The following C1GALT1C1 variants were observed in gnomAD, a reference collection of about 807,000 sequenced individuals.
C1GALT1C1 encodes C1GALT1 specific chaperone 1.
For missense variants in C1GALT1C1, 176 were observed against 234.7 expected, an observed-to-expected ratio of 0.75 and a Z score of 1.63; for synonymous variants, 77 against 77.9, an observed-to-expected ratio of 0.99 and a Z score of 0.06.
intron 1 of C1GALT1C1, among the ~76,000 whole-genome samples, chrX:120,629,120 A>G (rs1290380552): frequency 1.8e-5 from 2 of 109,893 alleles, no homozygotes; most frequent in Admixed American, 1.9e-4. Context: ...CCAGCTACTC[A>G]GGAGGCTGAG....
At position 120,626,627 on chromosome X, in the gene C1GALT1C1, A is replaced by G. The variant is rs778819609; in HGVS notation, c.540T>C (p.Tyr180=). 8.3e-7 allele frequency: 1 copy of G among 1,206,760 alleles called. No homozygotes were observed. Among genetic ancestry groups the G allele is most frequent in the East Asian group, 3.0e-5 (1 of 33,746 alleles). Residue 180 remains tyrosine, a synonymous_variant, in exon 2 of 2, where the codon TAT becomes TAC. Transcript: ENST00000304661. The part of the protein sequence containing the change: ...GHTIKSGDLE[Y]VGMEGGIVLS... ...AGACAATTCCTCCTTCCATACCCAC[A>G]TATTCAAGGTCTCCAGATTTTATAG...
chrX:120,628,182 G>A (rs1927239801), intron 1 of C1GALT1C1, among the ~76,000 whole-genome samples: 2 of 112,114 alleles, frequency 1.8e-5, no homozygotes, highest in Middle Eastern at 4.7e-3. Context: ...GGAGGCTGTA[G>A]TGAGCTGTGA....
intron 1 of C1GALT1C1, among the ~76,000 whole-genome samples, chrX:120,628,925 G>A (rs561972253): frequency 3.6e-5 from 4 of 111,733 alleles, no homozygotes; most frequent in South Asian, 3.7e-4. Context: ...AAACAAGCTC[G>A]GCATAATATT....
intron 1 of C1GALT1C1, 48 bp downstream of exon 1, chrX:120,629,869 G>A (rs1257651943): frequency 3.6e-5 from 4 of 112,209 alleles, no homozygotes; most frequent in Non-Finnish European, 5.6e-5. Context: ...AAGAGAGGGA[G>A]GGGAGTCAGG....
At chrX:120,627,226 AATTTG>A in intron 1 of C1GALT1C1, 55 bp from the exon 2 acceptor site, 1 of 924,072 alleles carries the variant, frequency 1.1e-6, no homozygotes. Flanking sequence ...TTAGTCTATA[AATTTG>A]ATTTGGTATT....
In C1GALT1C1 at chrX:120,627,168, T is replaced by C; in HGVS notation, c.-2A>G. 9.1e-7 allele frequency: 1 copy of C among 1,100,777 alleles called. No homozygotes were observed. The highest frequency in any genetic ancestry group is 1.2e-6 in the Non-Finnish European group (1 of 835,676). The allele number at this position is 1,100,777 out of a possible 1,213,427, so 90.7% of individuals were successfully genotyped here. A position where few individuals can be genotyped will look rare whatever the true frequency, so the allele number is the denominator to read the frequency against. ...AAAGGAGCTGCTTTCAGAAAGCATT[T>C]TTCCTATAAAGAAGAAAAAGACTCT... is the stretch of plus-strand genomic sequence containing the variant. On this transcript the variant is annotated 5_prime_UTR_variant, in exon 2 of 2. Coordinates refer to ENST00000304661, the MANE Select transcript of C1GALT1C1 (RefSeq NM_001011551.3).
rs755698477 is a variant in C1GALT1C1 at position 120,626,570 on chromosome X, G to C, written c.597C>G (p.Ser199Arg). 1.7e-5 allele frequency: 21 copies of C among 1,209,617 alleles called. No individual in the cohort carries two copies. The highest frequency in any genetic ancestry group is 1.4e-4 in the African/African-American group (8 of 57,363). Residue 199 changes from serine to arginine, a missense_variant, in exon 2 of 2, where the codon AGC becomes AGG. Ser to Arg is a moderately radical substitution (Grantham distance 110). Transcript: ENST00000304661. ...LSVESMKRLN[S>R]LLNIPEKCPE... ...GACACTTTTCTGGGATATTGAGAAG[G>C]CTGTTAAGTCTTTTCATTGATTCTA...
intron 1 of C1GALT1C1, among the ~76,000 whole-genome samples, chrX:120,629,305 G>T (rs1035494808): frequency 1.8e-5 from 2 of 110,854 alleles, no homozygotes; most frequent in African/African-American, 6.6e-5. Flanking sequence ...ATTTATATAG[G>T]ATTTTTGTAT....
In C1GALT1C1 at chrX:120,625,943, A is replaced by G. The variant is rs1254132450; in HGVS notation, c.*267T>C. 8.2e-6 allele frequency: 2 copies of G among 243,780 alleles called. No individual in the cohort carries two copies. Among genetic ancestry groups the G allele is most frequent in the African/African-American group, 5.6e-5 (2 of 35,450 alleles). The allele number at this position is 243,780 out of a possible 1,213,427, so 20.1% of individuals were successfully genotyped here. On this transcript the variant is annotated 3_prime_UTR_variant, in exon 2 of 2. Transcript: ENST00000304661. ...TAATGTTCATAATTTAGAATTTATC[A>G]CATATAATATTTATTAATAGTTTAT...
At chrX:120,627,216 T>A in intron 1 of C1GALT1C1, 45 bp from the exon 2 acceptor site, 1 of 960,185 alleles carries the variant, frequency 1.0e-6, no homozygotes, top group South Asian at 3.2e-5. Context: ...TAGAAAAAGA[T>A]TAGTCTATAA....
At position 120,626,518 on chromosome X, in the gene C1GALT1C1, T is replaced by C; in HGVS notation, c.649A>G (p.Ile217Val). 1 of 1,212,138 alleles carries C rather than the reference T, an allele frequency of 8.2e-7. No individual in the cohort carries two copies. Among genetic ancestry groups the C allele is most frequent in the Middle Eastern group, 2.3e-4 (1 of 4,356 alleles). The part of the protein sequence containing the change: ...CPEQGGMIWK[I>V]SEDKQLAVCL... ...ACTGCTAGCTGTTTATCTTCAGATA[T>C]CTTCCAAATCATCCCTCCCTGTTCA... The change falls in exon 2 of 2, where the codon ATA (isoleucine) becomes GTA (valine). Residue 217 changes from isoleucine (I) to valine (V), a missense_variant. Ile to Val is a conservative substitution (Grantham distance 29). Coordinates refer to ENST00000304661, the MANE Select transcript of C1GALT1C1 (RefSeq NM_001011551.3).
chrX:120,627,231 G>T, intron 1 of C1GALT1C1, 60 bp from the exon 2 acceptor site: 1 of 874,329 alleles, frequency 1.1e-6, no homozygotes, highest in South Asian at 3.6e-5. Context: ...CTATAAATTT[G>T]ATTTGGTATT....
At chrX:120,629,029 C>G (rs1927266004) in intron 1 of C1GALT1C1, among the ~76,000 whole-genome samples, 2 of 111,083 alleles carry the variant, frequency 1.8e-5, no homozygotes, top group African/African-American at 3.3e-5. Context: ...GAGTTCAAGA[C>G]CAGCCTGGCC....
intron 1 of C1GALT1C1, among the ~76,000 whole-genome samples, chrX:120,628,132 C>A (rs187975018): frequency 9.0e-6 from 1 of 110,760 alleles, no homozygotes; most frequent in South Asian, 3.8e-4. Flanking sequence ...CCCAGCTACT[C>A]GGGAGGCTGA....
intron 1 of C1GALT1C1, among the ~76,000 whole-genome samples, chrX:120,628,531 T>G (rs1483333552): frequency 2.7e-5 from 3 of 112,251 alleles, no homozygotes; most frequent in Non-Finnish European, 3.8e-5. Context: ...GTGGTATAAG[T>G]GGACTAGAAA....
chrX:120,626,740 C>A lies in C1GALT1C1; in HGVS notation c.427G>T (p.Ala143Ser). The A allele has an allele frequency of 1.7e-6, 2 of 1,211,489 alleles. No homozygotes were observed. Among genetic ancestry groups the A allele is most frequent in the Non-Finnish European group, 2.2e-6 (2 of 895,374 alleles). ...ATGATAGCAAACGTAGTGGGGCGTGCAAGGAAGAACCAGTTGTATTGGTCT... is the reference window on the plus strand; with the variant it reads ...ATGATAGCAAACGTAGTGGGGCGTGAAAGGAAGAACCAGTTGTATTGGTCT... ...YRDQYNWFFL[A>S]RPTTFAIIEN... Residue 143 changes from alanine (A) to serine (S), a missense_variant, in exon 2 of 2, where the codon GCA becomes TCA. Coordinates refer to ENST00000304661, the MANE Select transcript of C1GALT1C1 (RefSeq NM_001011551.3).
At chrX:120,629,831 GGAGAGGGCTGGGGCCCAGGCCTCCCCCAA>G (rs1470516447) in intron 1 of C1GALT1C1, 57 bp downstream of exon 1, 2 of 112,196 alleles carry the variant, frequency 1.8e-5, no homozygotes, top group Non-Finnish European at 3.8e-5. Context: ...GAGCATGCTG[GGAGAGGGCTGGGGCCCAGGCCTCCCCCAA>G]GAGAGGGAGG....
chrX:120,628,386 T>TA (rs1342873922), intron 1 of C1GALT1C1, among the ~76,000 whole-genome samples: 1 of 112,531 alleles, frequency 8.9e-6, no homozygotes, highest in Non-Finnish European at 1.9e-5. Flanking sequence ...TTGAGCTACT[T>TA]AGACTTCCCA....
intron 1 of C1GALT1C1, among the ~76,000 whole-genome samples, chrX:120,629,230 T>C (rs1927273315): frequency 9.6e-6 from 1 of 104,301 alleles, no homozygotes; most frequent in Non-Finnish European, 2.0e-5. Flanking sequence ...AGACTCTGTT[T>C]CAAAAAAAAA....
Sources: allele counts gnomAD v4.1 joint callset (sites outside exome capture counted in the v4.1 genomes callset), GRCh38; gene constraint gnomAD v4.1.1; transcripts MANE v1.5; gene names NCBI Gene and HGNC (gene_info 2026-07-23, HGNC 2026-07-21).